Variants in TET1 observed in about 807,000 individuals in gnomAD.
TET1 encodes the protein methylcytosine dioxygenase TET1.
A neutral mutation model predicts 148.7 loss-of-function variants in TET1; 13 were observed. That is an observed-to-expected ratio of 0.09 (90% CI 0.06 to 0.14). The LOEUF (loss-of-function observed/expected upper bound fraction) is 0.14. Ranked by LOEUF, TET1 falls within the 10% of genes least tolerant of loss-of-function variation. The pLI is 1.00. For missense variants in TET1, 2,182 were observed against 2,553.8 expected (o/e 0.85, Z 3.14); for synonymous variants, 907 against 937.2 (o/e 0.97, Z 0.59).
At chr10:68,608,692 G>A (rs1345858078) in intron 3 of TET1, among the ~76,000 whole-genome samples, 4 of 151,996 alleles carry the variant, frequency 2.6e-5, no homozygotes, top group Non-Finnish European at 5.9e-5. Context: ...GTGCCACCAA[G>A]CCCAGCTAAT....
intron 3 of TET1, 45 bp from the exon 4 acceptor site, chr10:68,644,653 T>C (rs2054811872): frequency 6.7e-7 from 1 of 1,494,168 alleles, no homozygotes; most frequent in African/African-American, 1.4e-5. Flanking sequence ...TGGCTGTTAT[T>C]CAGATATTTA....
chr10:68,627,586 ACT>A (rs1197007990), intron 3 of TET1, among the ~76,000 whole-genome samples: 1 of 151,502 alleles, frequency 6.6e-6, no homozygotes, highest in African/African-American at 2.4e-5. Flanking sequence ...ACAGAGCGAG[ACT>A]CTGTCTCAAA....
intron 9 of TET1, 139 bp from the exon 10 acceptor site, chr10:68,682,697 T>A (rs962413682): frequency 5.1e-6 from 5 of 978,160 alleles, no homozygotes; most frequent in Non-Finnish European, 1.5e-6. Flanking sequence ...TACACCTTCA[T>A]GACAATAATA....
chr10:68,681,308 AC>A, intron 8 of TET1, 90 bp from the exon 9 acceptor site: 1 of 738,654 alleles, frequency 1.4e-6, no homozygotes, highest in Non-Finnish European at 2.3e-6. Context: ...TTGTGCATTA[AC>A]CACCATCAGC....
chr10:68,663,905 G>T (rs2055157805), intron 6 of TET1, among the ~76,000 whole-genome samples: 1 of 152,190 alleles, frequency 6.6e-6, no homozygotes, highest in Non-Finnish European at 1.5e-5. Context: ...TTCTGTCCAA[G>T]CCTCGAATAT....
intron 11 of TET1, among the ~76,000 whole-genome samples, chr10:68,687,448 G>T (rs1324225180): frequency 1.3e-5 from 2 of 152,132 alleles, no homozygotes; most frequent in Non-Finnish European, 2.9e-5. Context: ...ATAGATAAGA[G>T]ACATGACTTT....
chr10:68,562,689 C>T (rs1438504968), intron 1 of TET1, among the ~76,000 whole-genome samples: 1 of 149,474 alleles, frequency 6.7e-6, no homozygotes, highest in Admixed American at 6.6e-5. Context: ...AACTATCGCT[C>T]TCCGGGCTGG....
rs2054820907 is a variant in TET1, at chr10:68,645,137, C to T, written c.2408C>T (p.Ala803Val). 1 of 1,613,844 alleles carries T rather than the reference C, an allele frequency of 6.2e-7. No individual in the cohort carries two copies. Among genetic ancestry groups the T allele is most frequent in the Admixed American group, 1.7e-5 (1 of 59,984 alleles). The change falls in exon 4 of 12, where the codon GCT becomes GTT. Residue 803 changes from alanine to valine, a missense_variant. Physicochemically the swap from Ala to Val is moderately conservative, Grantham distance 64. Transcript: ENST00000373644. Reference sequence around the variant, plus strand: ...AAAGACACTGCAAACCATAAAAACGCTATGAGCTCTGTTGCTACTGATATG... The same window carrying T: ...AAAGACACTGCAAACCATAAAAACGTTATGAGCTCTGTTGCTACTGATATG... ...FLKDTANHKN[A>V]MSSVATDMSC...
At chr10:68,632,680 A>C (rs2054591873) in intron 3 of TET1, 15 of 1,606,474 alleles carry the variant, frequency 9.3e-6, no homozygotes, top group Non-Finnish European at 1.3e-5. Flanking sequence ...ATATGAAGGT[A>C]CCCACCTCGA....
At chr10:68,563,635 A>G (rs977280145) in intron 1 of TET1, among the ~76,000 whole-genome samples, 1 of 152,208 alleles carries the variant, frequency 6.6e-6, no homozygotes, top group Admixed American at 6.5e-5. Context: ...AAAAGGACGG[A>G]TATAGGTGGG....
chr10:68,597,764 C>T (rs139535806), intron 2 of TET1, among the ~76,000 whole-genome samples: 512 of 152,266 alleles, frequency 3.4e-3, no homozygotes, highest in Non-Finnish European at 6.2e-3. Flanking sequence ...GTTCAGCCTT[C>T]AAAATGAATG....
rs534409956 is a variant in TET1 at position 68,608,528 on chromosome 10, C to A, written c.1968+7494C>A. Reference sequence around the variant, plus strand: ...GGGATTATAGGCGTGAGCCACCGCGCCAGGCCTATTATTTATTTATTTTTG... The same window carrying A: ...GGGATTATAGGCGTGAGCCACCGCGACAGGCCTATTATTTATTTATTTTTG... On this transcript the variant is annotated intron_variant, in intron 3 of 11. Transcript: ENST00000373644. Among the ~76,000 whole-genome samples, 12 of 151,970 alleles carry A rather than the reference C, an allele frequency of 7.9e-5. No homozygotes were observed. In the South Asian group the frequency reaches 2.5e-3, roughly 32 times the overall value.
At chr10:68,601,321 G>A (rs1235480096) in intron 3 of TET1, among the ~76,000 whole-genome samples, 2 of 152,130 alleles carry the variant, frequency 1.3e-5, no homozygotes, top group Admixed American at 6.6e-5. Flanking sequence ...TCCCTTTGTA[G>A]CATCTGCATT....
intron 6 of TET1, among the ~76,000 whole-genome samples, chr10:68,665,417 T>C (rs2055184225): frequency 6.6e-6 from 1 of 152,154 alleles, no homozygotes. Flanking sequence ...CTCCTCTGCA[T>C]ATAGTTAGTC....
At chr10:68,673,935 C>CTT (rs11381293) in intron 8 of TET1, among the ~76,000 whole-genome samples, 2,315 of 120,240 alleles carry the variant, frequency 0.019, 39 homozygotes, top group Middle Eastern at 0.035. Flanking sequence ...CTTTCTTTTT[C>CTT]TTTTTTTTTT....
Position 68,667,036 on chromosome 10 carries a change from T to C in TET1, c.4462-9T>C. The stretch of plus-strand genomic sequence containing the variant: ...GTCTTCCATAGATGAATGTATTCTG[T>C]TTTTTCAGGTTTTAAGAAGAAGCAG... On this transcript the variant is annotated splice_polypyrimidine_tract_variant and intron_variant, in intron 6 of 11. Transcript: ENST00000373644. The C allele has an allele frequency of 6.2e-7, 1 of 1,611,974 alleles. No individual in the cohort carries two copies. The highest frequency in any genetic ancestry group is 8.5e-7 in the Non-Finnish European group (1 of 1,178,824).
chr10:68,591,720 G>A (rs1310420165), intron 2 of TET1, among the ~76,000 whole-genome samples: 3 of 151,958 alleles, frequency 2.0e-5, no homozygotes, highest in Non-Finnish European at 2.9e-5. Flanking sequence ...GGCTAACACG[G>A]TGAAACCCCG....
intron 3 of TET1, among the ~76,000 whole-genome samples, chr10:68,637,868 C>CAA (rs1288080594): frequency 4.8e-5 from 6 of 126,004 alleles, no homozygotes; most frequent in African/African-American, 5.6e-5. Flanking sequence ...GACTCCGTCT[C>CAA]AAAAAAAAAA....
chr10:68,620,026 T>A (rs1205517480), intron 3 of TET1, among the ~76,000 whole-genome samples: 1 of 152,066 alleles, frequency 6.6e-6, no homozygotes, highest in East Asian at 1.9e-4. Flanking sequence ...AACCCCCGTC[T>A]CTACTAAAAA....
Sources: allele counts gnomAD v4.1 joint callset (sites outside exome capture counted in the v4.1 genomes callset), GRCh38; gene constraint gnomAD v4.1.1; transcripts MANE v1.5; gene names NCBI Gene and HGNC (gene_info 2026-07-23, HGNC 2026-07-21).